The following NTRK2 variants were observed in gnomAD, a reference collection of about 807,000 sequenced individuals.
NTRK2 encodes the protein BDNF/NT-3 growth factors receptor.
A neutral mutation model predicts 94.5 loss-of-function variants in NTRK2; 13 were observed. The observed-to-expected ratio is 0.14, with a 90% confidence interval of 0.09 to 0.22. The LOEUF (loss-of-function observed/expected upper bound fraction) is 0.22. Ranked by LOEUF, NTRK2 falls within the 10% of genes least tolerant of loss-of-function variation. The pLI is 1.00. For missense variants in NTRK2, 639 were observed against 1,071.2 expected, an observed-to-expected ratio of 0.60 and a Z score of 5.63; for synonymous variants, 372 against 407.4, an observed-to-expected ratio of 0.91 and a Z score of 1.05.
At chr9:85,012,706 T>A (rs1831763885) in intron 17 of NTRK2, among the ~76,000 whole-genome samples, 1 of 152,198 alleles carries the variant, frequency 6.6e-6, no homozygotes, top group Non-Finnish European at 1.5e-5. Flanking sequence ...TTATTATTAT[T>A]ATTATTTCAC....
intron 12 of NTRK2, among the ~76,000 whole-genome samples, chr9:84,830,166 C>T (rs1019641947): frequency 3.3e-5 from 5 of 152,198 alleles, no homozygotes; most frequent in African/African-American, 4.8e-5. Flanking sequence ...CTGGCAACGA[C>T]AGCAGGTCAA....
At chr9:84,979,240 C>T (rs1436455381) in intron 17 of NTRK2, among the ~76,000 whole-genome samples, 1 of 152,204 alleles carries the variant, frequency 6.6e-6, no homozygotes, top group African/African-American at 2.4e-5. Context: ...ACATATTCCC[C>T]ATTCTAGAAG....
At chr9:84,783,552 G>A (rs1423240524) in intron 12 of NTRK2, among the ~76,000 whole-genome samples, 2 of 152,188 alleles carry the variant, frequency 1.3e-5, no homozygotes, top group Non-Finnish European at 2.9e-5. Context: ...AAAATGTGAA[G>A]TCAGTGGATA....
intron 17 of NTRK2, among the ~76,000 whole-genome samples, chr9:84,986,115 C>T (rs1381811951): frequency 1.3e-5 from 2 of 152,160 alleles, no homozygotes; most frequent in African/African-American, 4.8e-5. Context: ...TATCTGACTA[C>T]TACTTGAAGC....
intron 14 of NTRK2, among the ~76,000 whole-genome samples, chr9:84,917,664 T>G (rs2077435493): frequency 6.6e-6 from 1 of 152,174 alleles, no homozygotes; most frequent in African/African-American, 2.4e-5. Context: ...GCAGGCAGCC[T>G]ACTTTGTCCA....
At chr9:84,955,659 G>A (rs949462538) in intron 17 of NTRK2, 142 bp downstream of exon 17, 4 of 777,958 alleles carry the variant, frequency 5.1e-6, no homozygotes, top group Non-Finnish European at 8.8e-6. Flanking sequence ...TGGCTCTGGA[G>A]GCTGGAAGTC....
rs113066187 is a variant in NTRK2 at position 84,971,333 on chromosome 9, T to C, written c.2172+15816T>C. 3.4e-3 allele frequency among the ~76,000 whole-genome samples: 514 copies of C among 152,292 alleles called. 4 individuals are homozygous for C. The highest frequency in any genetic ancestry group is 0.012 in the African/African-American group (481 of 41,568). On this transcript the variant is annotated intron_variant, in intron 17 of 18. Transcript: ENST00000277120. The stretch of plus-strand genomic sequence containing the variant: ...ATCCCCCTAGAGAGCCAGACATTTA[T>C]CAAATAATTCCACAAACACATATTG...
intron 12 of NTRK2, among the ~76,000 whole-genome samples, chr9:84,752,293 G>A (rs545727069): frequency 6.6e-6 from 1 of 152,330 alleles, no homozygotes; most frequent in South Asian, 2.1e-4. Context: ...CATGAGAACA[G>A]TTGTCCCGGG....
At chr9:84,877,779 G>A (rs541577155) in intron 14 of NTRK2, 1 of 1,054,432 alleles carries the variant, frequency 9.5e-7, no homozygotes, top group South Asian at 4.6e-5. Context: ...GACCAATGGA[G>A]CTTGGAATTC....
At chr9:84,716,787 A>C (rs1438743820) in intron 6 of NTRK2, among the ~76,000 whole-genome samples, 1 of 152,142 alleles carries the variant, frequency 6.6e-6, no homozygotes. Flanking sequence ...CTGCTGTTTA[A>C]ATTTTTGTGT....
intron 15 of NTRK2, among the ~76,000 whole-genome samples, chr9:84,940,736 A>T (rs763127845): frequency 3.6e-5 from 4 of 112,046 alleles, no homozygotes; most frequent in South Asian, 2.4e-4. Flanking sequence ...GGAACAGTTT[A>T]AAAAAAAAAA....
chr9:84,906,479 G>A (rs1587890513), intron 14 of NTRK2, among the ~76,000 whole-genome samples: 1 of 152,236 alleles, frequency 6.6e-6, no homozygotes, highest in East Asian at 1.9e-4. Context: ...GGGTTGACCT[G>A]GTTGGGAGGT....
intron 12 of NTRK2, among the ~76,000 whole-genome samples, chr9:84,855,045 G>A (rs1410110417): frequency 6.6e-6 from 1 of 151,970 alleles, no homozygotes; most frequent in Non-Finnish European, 1.5e-5. Context: ...AGAGAACACT[G>A]GGCTGTTTCA....
intron 6 of NTRK2, among the ~76,000 whole-genome samples, chr9:84,713,883 T>TG (rs1412443483): frequency 6.7e-6 from 1 of 148,768 alleles, no homozygotes; most frequent in African/African-American, 2.6e-5. Context: ...TAACTAGATG[T>TG]GGGTTTTTTT....
intron 17 of NTRK2, among the ~76,000 whole-genome samples, chr9:84,984,820 A>G (rs1828102239): frequency 1.3e-5 from 2 of 152,266 alleles, no homozygotes; most frequent in Non-Finnish European, 2.9e-5. Context: ...GTTGCCAAAG[A>G]AAAACCTCTC....
chr9:84,873,151 G>A, intron 14 of NTRK2: 1 of 1,063,778 alleles, frequency 9.4e-7, no homozygotes. Context: ...GTCAGAGGTA[G>A]GACTGAAAAA....
At position 85,023,684 on chromosome 9, in the gene NTRK2, T is replaced by G. The variant is rs145234566; in HGVS notation, c.*2247T>G. 4.3e-6 allele frequency: 1 copy of G among 230,700 alleles called. No individual in the cohort carries two copies. The highest frequency in any genetic ancestry group is 2.2e-5 in the African/African-American group (1 of 45,264). 14.3% of individuals were successfully genotyped at this position (230,700 alleles called of 1,614,324 possible). A position where few individuals can be genotyped will look rare whatever the true frequency, so the allele number is the denominator to read the frequency against. On this transcript the variant is annotated 3_prime_UTR_variant, in exon 19 of 19. Coordinates refer to ENST00000277120, the MANE Select transcript of NTRK2 (RefSeq NM_006180.6). ...ATATATATACATACATGTGCATGTA[T>G]GTATCATATTAAGGACCCATGGTAC...
chr9:84,700,025 G>C (rs1035516860), intron 2 of NTRK2, among the ~76,000 whole-genome samples: 6 of 152,182 alleles, frequency 3.9e-5, no homozygotes, highest in African/African-American at 1.4e-4. Flanking sequence ...AGGATGCAAG[G>C]ATAATCCAGG....
intron 14 of NTRK2, chr9:84,871,678 G>C (rs2075872030): frequency 1.1e-6 from 1 of 870,958 alleles, no homozygotes; most frequent in East Asian, 2.4e-5. Flanking sequence ...AGTGATATGA[G>C]GGTTTCATTT....
Sources: gnomAD v4.1 joint callset for allele counts (sites outside exome capture counted in the v4.1 genomes callset) on GRCh38, gnomAD v4.1.1 for gene constraint, MANE v1.5 for transcripts, NCBI Gene and HGNC (gene_info 2026-07-23, HGNC 2026-07-21) for gene names.